CEACAM21: variants seen among roughly 807,000 people sequenced by gnomAD.
The protein encoded by CEACAM21 is cell adhesion molecule CEACAM21.
A neutral mutation model predicts 33.2 loss-of-function variants in CEACAM21; 38 were observed. The ratio of observed to expected loss-of-function variants is 1.14; its 90% CI spans 0.88 to 1.50. The LOEUF (loss-of-function observed/expected upper bound fraction) is 1.50. Among genes scored for constraint, CEACAM21 ranks in the 40% most tolerant of loss-of-function variants. CEACAM21 has a pLI of 0.00. For synonymous variants in CEACAM21, 156 were observed against 143.0 expected, an observed-to-expected ratio of 1.09 and a Z score of -0.65; for missense variants, 385 against 364.6, an observed-to-expected ratio of 1.06 and a Z score of -0.46.
chr19:41,575,230 G>C (rs1386982985), upstream of CEACAM21, among the ~76,000 whole-genome samples: 8 of 152,176 alleles, frequency 5.3e-5, no homozygotes, highest in African/African-American at 1.9e-4. Context: ...TTTCCATTTG[G>C]TATAATGAAG....
intron 1 of CEACAM21, chr19:41,553,785 G>A (rs1199017075): frequency 1.4e-4 from 22 of 152,072 alleles, no homozygotes; most frequent in African/African-American, 5.3e-4. Context: ...CACAAGTCAA[G>A]TTTGATTCCT....
At chr19:41,579,084 C>T (rs897559575) in intron 2 of CEACAM21, among the ~76,000 whole-genome samples, 12 of 152,132 alleles carry the variant, frequency 7.9e-5, no homozygotes, top group African/African-American at 2.9e-4. Context: ...TATTGCATCT[C>T]ATGTGACTCT....
At chr19:41,575,430 T>C (rs1255852221), upstream of CEACAM21, among the ~76,000 whole-genome samples, 1 of 152,224 alleles carries the variant, frequency 6.6e-6, no homozygotes, top group Non-Finnish European at 1.5e-5. Context: ...ACACCCTTCC[T>C]GACCTTCTGT....
intron 6 of CEACAM21, chr19:41,586,216 T>C (rs1482647112): frequency 1.8e-6 from 1 of 542,618 alleles, no homozygotes; most frequent in Non-Finnish European, 3.3e-6. Flanking sequence ...GCCACAGATA[T>C]TCTGGTCCCT....
At chr19:41,581,878 C>T (rs11879359) in intron 3 of CEACAM21, among the ~76,000 whole-genome samples, 18 of 152,118 alleles carry the variant, frequency 1.2e-4, no homozygotes, top group African/African-American at 3.4e-4. Context: ...TCATTCCACC[C>T]GACCCCTCCC....
At chr19:41,576,643 T>C (rs536287212) in intron 1 of CEACAM21, among the ~76,000 whole-genome samples, 1 of 152,200 alleles carries the variant, frequency 6.6e-6, no homozygotes, top group Non-Finnish European at 1.5e-5. Flanking sequence ...TCTGTCTTCA[T>C]CTGCCAACCT....
intron 2 of CEACAM21, among the ~76,000 whole-genome samples, chr19:41,578,538 G>A (rs187109544): frequency 1.2e-4 from 19 of 152,268 alleles, no homozygotes; most frequent in African/African-American, 4.3e-4. Context: ...GAATCTGGTC[G>A]TGGCCACCAC....
At chr19:41,568,027 C>T (rs1481538615) in intron 2 of CEACAM21, among the ~76,000 whole-genome samples, 1 of 151,966 alleles carries the variant, frequency 6.6e-6, no homozygotes, top group Non-Finnish European at 1.5e-5. Context: ...GATGATGGAT[C>T]ATTGAGGGAT....
intron 6 of CEACAM21, 104 bp downstream of exon 6, chr19:41,585,975 T>G: frequency 8.1e-7 from 1 of 1,234,894 alleles, no homozygotes; most frequent in Non-Finnish European, 1.2e-6. Flanking sequence ...CTACCCAGAA[T>G]GACTTGGATA....
intron 1 of CEACAM21, among the ~76,000 whole-genome samples, chr19:41,553,019 C>T (rs10421574): frequency 0.44 from 66,676 of 151,922 alleles, 15,896 homozygotes; most frequent in East Asian, 0.56. Context: ...TTAACCCAAA[C>T]TGTAGAAAAT....
At chr19:41,567,270 A>G (rs1555788520) in intron 2 of CEACAM21, among the ~76,000 whole-genome samples, 1 of 152,236 alleles carries the variant, frequency 6.6e-6, no homozygotes, top group African/African-American at 2.4e-5. Context: ...TGGACATAGG[A>G]CATTAAACAG....
intron 2 of CEACAM21, chr19:41,565,533 T>TC (rs1174250182): frequency 2.4e-5 from 3 of 124,218 alleles, no homozygotes; most frequent in South Asian, 2.6e-4. Flanking sequence ...TCTCCAGTCT[T>TC]CCCCCCCGCC....
chr19:41,559,087 A>G (rs2041714367), intron 1 of CEACAM21, among the ~76,000 whole-genome samples: 1 of 152,234 alleles, frequency 6.6e-6, no homozygotes. Flanking sequence ...GACTATTTGA[A>G]CAATGTGAGA....
In CEACAM21 at chr19:41,577,428, G is replaced by T. The variant is rs981984811; in HGVS notation, c.293G>T (p.Arg98Leu). 6.2e-7 allele frequency: 1 copy of T among 1,614,160 alleles called. No homozygotes were observed. Among genetic ancestry groups the T allele is most frequent in the East Asian group, 2.2e-5 (1 of 44,890 alleles). Residue 98 changes from arginine to leucine, a missense_variant, in exon 2 of 7, where the codon CGA becomes CTA. Transcript: ENST00000401445. ...VRTPGPAYSG[R>L]ETISPSGDLH... is the part of the protein sequence containing the mutation. Reference sequence around the variant, plus strand: ...ACTCCAGGGCCTGCATACAGCGGTCGAGAGACAATATCACCCAGTGGAGAT... The same window carrying T: ...ACTCCAGGGCCTGCATACAGCGGTCTAGAGACAATATCACCCAGTGGAGAT...
At chr19:41,586,257 C>A in intron 6 of CEACAM21, 2 of 531,350 alleles carry the variant, frequency 3.8e-6, no homozygotes. Flanking sequence ...GATCTGTCCC[C>A]ACTGGCATCT....
intron 3 of CEACAM21, 61 bp from the exon 4 acceptor site, chr19:41,584,286 G>A (rs1378753447): frequency 7.1e-7 from 1 of 1,417,092 alleles, no homozygotes; most frequent in African/African-American, 1.4e-5. Flanking sequence ...GCCCTGCAAG[G>A]CCCCTCATGG....
intron 1 of CEACAM21, among the ~76,000 whole-genome samples, chr19:41,554,448 T>A (rs1290399051): frequency 6.6e-6 from 1 of 151,998 alleles, no homozygotes; most frequent in Non-Finnish European, 1.5e-5. Context: ...TGACTGATAA[T>A]GTACACTGAG....
chr19:41,565,228 CCCGCT>C (rs1157088785), intron 2 of CEACAM21, among the ~76,000 whole-genome samples: 2 of 152,158 alleles, frequency 1.3e-5, no homozygotes, highest in African/African-American at 4.8e-5. Context: ...CCCGCCCCGC[CCCGCT>C]CCCCTGTGGC....
chr19:41,582,450 C>A (rs1338344831), intron 3 of CEACAM21, among the ~76,000 whole-genome samples: 1 of 152,218 alleles, frequency 6.6e-6, no homozygotes, highest in Non-Finnish European at 1.5e-5. Flanking sequence ...GACTCTGTGT[C>A]GGGGTTCCAA....
Sources: allele counts gnomAD v4.1 joint callset (sites outside exome capture counted in the v4.1 genomes callset), GRCh38; gene constraint gnomAD v4.1.1; transcripts MANE v1.5; gene names NCBI Gene and HGNC (gene_info 2026-07-23, HGNC 2026-07-21).